CSMD3: variants seen among roughly 807,000 people sequenced by gnomAD.
CSMD3 encodes CUB and Sushi multiple domains 3, also known as CUB and sushi domain-containing protein 3.
Under a neutral mutation model 435.2 loss-of-function variants are expected in CSMD3, and 177 were observed. The ratio of observed to expected loss-of-function variants is 0.41; its 90% CI spans 0.36 to 0.46. The LOEUF (loss-of-function observed/expected upper bound fraction) is 0.46, where lower values mean the gene tolerates loss of function less well. Ranked by LOEUF, CSMD3 falls within the 20% of genes least tolerant of loss-of-function variation. The pLI is 0.34. For synonymous variants in CSMD3, 1,656 were observed against 1,520.5 expected (o/e 1.09, Z -2.07); for missense variants, 4,265 against 4,504.6 (o/e 0.95, Z 1.52).
chr8:112,909,374 A>C (rs1254458508), intron 10 of CSMD3, among the ~76,000 whole-genome samples: 1 of 151,722 alleles, frequency 6.6e-6, no homozygotes, highest in Non-Finnish European at 1.5e-5. Context: ...TATTGGCCTT[A>C]ACAATGTAAC....
intron 50 of CSMD3, among the ~76,000 whole-genome samples, chr8:112,309,205 C>T (rs1821724507): frequency 6.6e-6 from 1 of 151,808 alleles, no homozygotes; most frequent in Non-Finnish European, 1.5e-5. Context: ...GAAATTGTAG[C>T]ACTAATTCTA....
intron 10 of CSMD3, among the ~76,000 whole-genome samples, chr8:112,882,431 C>T (rs1019638741): frequency 6.6e-6 from 1 of 151,996 alleles, no homozygotes; most frequent in Admixed American, 6.6e-5. Flanking sequence ...TCCCTACAAG[C>T]TTCCTTTGCA....
At chr8:113,384,114 T>C (rs2094429514) in intron 1 of CSMD3, among the ~76,000 whole-genome samples, 2 of 152,196 alleles carry the variant, frequency 1.3e-5, no homozygotes, top group African/African-American at 2.4e-5. Flanking sequence ...CCTGTCTTGA[T>C]ACTTTAGCTC....
At chr8:112,845,837 A>G (rs1293492482) in intron 11 of CSMD3, among the ~76,000 whole-genome samples, 3 of 152,056 alleles carry the variant, frequency 2.0e-5, no homozygotes, top group Non-Finnish European at 4.4e-5. Context: ...AAGTCATTGG[A>G]CTTTGTATTT....
At chr8:113,004,957 T>C (rs1466639098) in intron 6 of CSMD3, among the ~76,000 whole-genome samples, 2 of 151,874 alleles carry the variant, frequency 1.3e-5, no homozygotes, top group Non-Finnish European at 2.9e-5. Flanking sequence ...ACTATCATTG[T>C]GTATGCATTA....
chr8:113,403,583 T>C (rs1457265823), intron 1 of CSMD3, among the ~76,000 whole-genome samples: 3 of 151,430 alleles, frequency 2.0e-5, no homozygotes, highest in African/African-American at 7.2e-5. Flanking sequence ...TAATAAAGCA[T>C]GATTGCTTTC....
chr8:112,507,489 T>C (rs765099551), intron 28 of CSMD3, among the ~76,000 whole-genome samples: 8 of 152,152 alleles, frequency 5.3e-5, no homozygotes, highest in Non-Finnish European at 1.2e-4. Flanking sequence ...CGTGGTGGGA[T>C]GGGAGAGTGG....
At chr8:112,981,978 A>C (rs2085068948) in intron 6 of CSMD3, among the ~76,000 whole-genome samples, 1 of 151,960 alleles carries the variant, frequency 6.6e-6, no homozygotes, top group Middle Eastern at 3.4e-3. Flanking sequence ...TTAGTACAAA[A>C]AATATAATAA....
intron 33 of CSMD3, 80 bp downstream of exon 33, chr8:112,408,839 A>T: frequency 6.2e-7 from 1 of 1,608,294 alleles, no homozygotes; most frequent in African/African-American, 1.3e-5. Context: ...TGATGATATA[A>T]ATCTCAACTT....
At chr8:113,189,791 T>C (rs935993243) in intron 3 of CSMD3, among the ~76,000 whole-genome samples, 1 of 151,750 alleles carries the variant, frequency 6.6e-6, no homozygotes. Context: ...TGTTGAAAAA[T>C]CAGAGCAAGT....
chr8:112,280,327 G>A (rs1818502535), intron 59 of CSMD3, among the ~76,000 whole-genome samples: 2 of 152,030 alleles, frequency 1.3e-5, no homozygotes, highest in African/African-American at 2.4e-5. Flanking sequence ...CTGTAGTGCA[G>A]TGTTACATTC....
chr8:113,029,654 C>T (rs538249108), intron 5 of CSMD3, among the ~76,000 whole-genome samples: 10 of 151,658 alleles, frequency 6.6e-5, no homozygotes, highest in Non-Finnish European at 1.0e-4. Context: ...CTATGAAACA[C>T]CCACAGCCAA....
At position 113,094,180 on chromosome 8, in the gene CSMD3, C is replaced by G. The variant is rs117895930; in HGVS notation, c.917+4576G>C. ...CTAATCTGAAGAAATTACTATTACT[C>G]TCTTTGATATTCAATCACTCATTCC... is the stretch of plus-strand genomic sequence containing the variant. On this transcript the variant is annotated intron_variant, in intron 5 of 70. Transcript: ENST00000297405. 5.5e-3 allele frequency among the ~76,000 whole-genome samples: 843 copies of G among 152,186 alleles called. 2 individuals are homozygous for G. The highest frequency in any genetic ancestry group is 8.3e-3 in the Non-Finnish European group (566 of 68,004).
At chr8:112,848,748 G>T (rs923577066) in intron 11 of CSMD3, among the ~76,000 whole-genome samples, 1 of 152,072 alleles carries the variant, frequency 6.6e-6, no homozygotes, top group Non-Finnish European at 1.5e-5. Context: ...TCAGAGAGGT[G>T]AGATGATCTG....
At chr8:112,952,931 A>G (rs1484889888) in intron 8 of CSMD3, among the ~76,000 whole-genome samples, 1 of 151,318 alleles carries the variant, frequency 6.6e-6, no homozygotes, top group Non-Finnish European at 1.5e-5. Context: ...TTCACAACCC[A>G]TGTACAAGAA....
intron 27 of CSMD3, among the ~76,000 whole-genome samples, chr8:112,534,201 C>T (rs1343252711): frequency 3.3e-4 from 50 of 151,928 alleles, no homozygotes; most frequent in Admixed American, 3.3e-3. Context: ...AATAGAGACA[C>T]AAAAAAGTCT....
At chr8:112,709,001 T>TTCC (rs2076556191) in intron 13 of CSMD3, among the ~76,000 whole-genome samples, 2 of 152,066 alleles carry the variant, frequency 1.3e-5, no homozygotes, top group Non-Finnish European at 1.5e-5. Flanking sequence ...TGACTGCGTT[T>TTCC]AAGTCTCTGC....
At chr8:113,324,367 T>TG (rs1397730267) in intron 1 of CSMD3, among the ~76,000 whole-genome samples, 1 of 152,154 alleles carries the variant, frequency 6.6e-6, no homozygotes, top group Non-Finnish European at 1.5e-5. Flanking sequence ...CTGGGCTGTG[T>TG]GCAGCCTACG....
chr8:112,915,641 T>C lies in CSMD3; in HGVS notation c.1633+5986A>G, dbSNP rs374165955. Among the ~76,000 whole-genome samples the C allele has an allele frequency of 6.5e-4, 98 of 151,894 alleles. 1 individual carries two copies. Among genetic ancestry groups the C allele is most frequent in the African/African-American group, 2.2e-3 (93 of 41,520 alleles). ...ATGAAGACAAATAATCTTTTACCTATATACAAAGGTAGATTTTAATGGTAA... is the reference window on the plus strand; with the variant it reads ...ATGAAGACAAATAATCTTTTACCTACATACAAAGGTAGATTTTAATGGTAA... On this transcript the variant is annotated intron_variant, in intron 10 of 70. Coordinates refer to ENST00000297405, the MANE Select transcript of CSMD3 (RefSeq NM_198123.2).
Sources: gnomAD v4.1 joint callset for allele counts (sites outside exome capture counted in the v4.1 genomes callset) on GRCh38, gnomAD v4.1.1 for gene constraint, MANE v1.5 for transcripts, NCBI Gene and HGNC (gene_info 2026-07-23, HGNC 2026-07-21) for gene names.